Variants in BRMS1L observed in about 807,000 individuals in gnomAD.
BRMS1L encodes BRMS1 like transcriptional repressor.
Under a neutral mutation model 50.3 loss-of-function variants are expected in BRMS1L, and 23 were observed. The ratio of observed to expected loss-of-function variants is 0.46; its 90% confidence interval spans 0.33 to 0.65. The LOEUF is 0.65. BRMS1L is among the 30% of genes least tolerant of loss of function. BRMS1L has a pLI of 0.02. For missense variants in BRMS1L, 286 were observed against 386.1 expected, an observed-to-expected ratio of 0.74 and a Z score of 2.17; for synonymous variants, 114 against 126.9, an observed-to-expected ratio of 0.90 and a Z score of 0.69.
intron 4 of BRMS1L, among the ~76,000 whole-genome samples, chr14:35,858,912 T>C (rs1235676090): frequency 6.6e-6 from 1 of 152,032 alleles, no homozygotes; most frequent in Non-Finnish European, 1.5e-5. Context: ...CCAGATTTTG[T>C]TCACTAGAAG....
intron 4 of BRMS1L, among the ~76,000 whole-genome samples, chr14:35,858,385 C>T (rs1023329104): frequency 1.1e-4 from 16 of 152,136 alleles, no homozygotes; most frequent in Non-Finnish European, 2.4e-4. Context: ...TGGATGTCCC[C>T]TTCACCTCTC....
intron 4 of BRMS1L, among the ~76,000 whole-genome samples, chr14:35,848,736 T>C (rs921524050): frequency 6.6e-6 from 1 of 152,192 alleles, no homozygotes; most frequent in African/African-American, 2.4e-5. Flanking sequence ...ACTTATTTAA[T>C]GTTAGTAATG....
intron 4 of BRMS1L, among the ~76,000 whole-genome samples, chr14:35,848,823 G>GTA (rs1057465848): frequency 6.6e-6 from 1 of 152,072 alleles, no homozygotes; most frequent in African/African-American, 2.4e-5. Context: ...TCTGTTGTGT[G>GTA]TATATATATC....
chr14:35,870,026 A>G (rs1056738080), intron 9 of BRMS1L, among the ~76,000 whole-genome samples: 11 of 151,940 alleles, frequency 7.2e-5, no homozygotes, highest in Admixed American at 6.6e-4. Context: ...TTACAAGTAT[A>G]ATACCATATA....
At chr14:35,852,917 C>A (rs559339489) in intron 4 of BRMS1L, among the ~76,000 whole-genome samples, 1 of 151,396 alleles carries the variant, frequency 6.6e-6, no homozygotes, top group Admixed American at 6.6e-5. Flanking sequence ...GGCGAAAGAG[C>A]GAGGCTCCGT....
chr14:35,829,418 A>T (rs2077889786), intron 1 of BRMS1L, among the ~76,000 whole-genome samples: 1 of 152,258 alleles, frequency 6.6e-6, no homozygotes, highest in Non-Finnish European at 1.5e-5. Flanking sequence ...AATAATGAAC[A>T]ACTTAATTTT....
In BRMS1L at chr14:35,859,798, C is replaced by T. The variant is rs192413999; in HGVS notation, c.442-2792C>T. Among the ~76,000 whole-genome samples the T allele has an allele frequency of 1.2e-4, 18 of 151,846 alleles. No homozygotes were observed. The East Asian group carries it at 2.3e-3, about 20-fold the overall frequency. On this transcript the variant is annotated intron_variant, in intron 4 of 9. Coordinates refer to ENST00000216807, the MANE Select transcript of BRMS1L (RefSeq NM_032352.4). The stretch of plus-strand genomic sequence containing the variant: ...CTGAGTAGCTGGGACTACAGGCCCA[C>T]GCTGCCATGCTTAGCTAATTTTAAA...
In BRMS1L at chr14:35,830,003, G is replaced by A. The variant is rs184090843; in HGVS notation, c.143-1407G>A. The stretch of plus-strand genomic sequence containing the variant: ...ATATGGGTAGACGGAATAAGGGAAC[G>A]TAGGAATGGCAGACCAGGAGAGCCT... On this transcript the variant is annotated intron_variant, in intron 1 of 9. Transcript: ENST00000216807. The A allele has an allele frequency of 5.0e-4, 109 of 218,834 alleles. No individual in the cohort carries two copies. In the East Asian group the frequency reaches 5.3e-3, roughly 11 times the overall value. The allele number at this position is 218,834 out of a possible 1,614,324, so 13.6% of individuals were successfully genotyped here.
chr14:35,828,756 G>A (rs979125062), intron 1 of BRMS1L, among the ~76,000 whole-genome samples: 19 of 152,010 alleles, frequency 1.2e-4, no homozygotes, highest in Middle Eastern at 3.4e-3. Context: ...GTGCCTGGCC[G>A]ACGTGTTGCT....
At chr14:35,857,496 T>A (rs1348264531) in intron 4 of BRMS1L, among the ~76,000 whole-genome samples, 3 of 151,836 alleles carry the variant, frequency 2.0e-5, no homozygotes, top group African/African-American at 7.3e-5. Context: ...AAAAAAAAAT[T>A]TTTTTATAGA....
At chr14:35,846,272 C>G (rs1220352039) in intron 4 of BRMS1L, among the ~76,000 whole-genome samples, 2 of 151,848 alleles carry the variant, frequency 1.3e-5, no homozygotes, top group African/African-American at 4.8e-5. Flanking sequence ...TGGCACACAC[C>G]TGTAGTCCCA....
At position 35,837,335 on chromosome 14, in the gene BRMS1L, T is replaced by A. The variant is rs186941356; in HGVS notation, c.441+2412T>A. Reference sequence around the variant, plus strand: ...GGTAATGTCAACACTATTTATTACATACACCCTTGTTTCCCCAGAACTCAG... The same window carrying A: ...GGTAATGTCAACACTATTTATTACAAACACCCTTGTTTCCCCAGAACTCAG... On this transcript the variant is annotated intron_variant, in intron 4 of 9. Coordinates refer to ENST00000216807, the MANE Select transcript of BRMS1L (RefSeq NM_032352.4). 4.6e-5 allele frequency among the ~76,000 whole-genome samples: 7 copies of A among 152,320 alleles called. No homozygotes were observed. In the East Asian group the frequency reaches 1.3e-3, roughly 29 times the overall value.
At chr14:35,843,751 G>C (rs111379065) in intron 4 of BRMS1L, among the ~76,000 whole-genome samples, 1 of 152,242 alleles carries the variant, frequency 6.6e-6, no homozygotes, top group African/African-American at 2.4e-5. Context: ...GAGCTGGCAG[G>C]CAGGAATATT....
chr14:35,830,895 T>G (rs1201583400), intron 1 of BRMS1L, among the ~76,000 whole-genome samples: 1 of 151,952 alleles, frequency 6.6e-6, no homozygotes, highest in Non-Finnish European at 1.5e-5. Context: ...TAGAGACCAG[T>G]ATAGTTTTAT....
chr14:35,864,843 A>T (rs1425587099), intron 6 of BRMS1L, 92 bp from the exon 7 acceptor site: 22 of 925,422 alleles, frequency 2.4e-5, no homozygotes, highest in Non-Finnish European at 3.7e-5. Context: ...TTATGCTCAT[A>T]AATCATCGTT....
intron 4 of BRMS1L, among the ~76,000 whole-genome samples, chr14:35,858,032 A>G (rs954935095): frequency 6.6e-6 from 1 of 151,148 alleles, no homozygotes; most frequent in Non-Finnish European, 1.5e-5. Context: ...AAAAAAAAGC[A>G]CTGGACCTCT....
intron 4 of BRMS1L, among the ~76,000 whole-genome samples, chr14:35,851,605 T>C (rs1177401533): frequency 6.6e-6 from 1 of 152,196 alleles, no homozygotes; most frequent in Non-Finnish European, 1.5e-5. Context: ...TTTTAATTTT[T>C]AAGCATACAA....
intron 3 of BRMS1L, 92 bp from the exon 4 acceptor site, chr14:35,834,752 T>C (rs1003236196): frequency 2.4e-6 from 2 of 846,216 alleles, no homozygotes; most frequent in African/African-American, 1.7e-5. Context: ...TGATCCATCT[T>C]ATTAAATACA....
chr14:35,841,549 G>A (rs2078063415), intron 4 of BRMS1L, among the ~76,000 whole-genome samples: 1 of 152,062 alleles, frequency 6.6e-6, no homozygotes, highest in Non-Finnish European at 1.5e-5. Context: ...TGCCCGCCTT[G>A]GCCTCCCAAA....
Sources: gnomAD v4.1 joint callset for allele counts (sites outside exome capture counted in the v4.1 genomes callset) on GRCh38, gnomAD v4.1.1 for gene constraint, MANE v1.5 for transcripts, NCBI Gene and HGNC (gene_info 2026-07-23, HGNC 2026-07-21) for gene names.